The following LRRC49 variants were observed in gnomAD, a reference collection of about 807,000 sequenced individuals.
LRRC49 encodes leucine-rich repeat-containing protein 49.
Under a neutral mutation model 83.3 loss-of-function variants are expected in LRRC49, and 50 were observed. The ratio of observed to expected loss-of-function variants is 0.60; its 90% CI spans 0.48 to 0.76. LRRC49 has a LOEUF of 0.76. Among genes scored for constraint, LRRC49 ranks in the 30% least tolerant of loss-of-function variants. The pLI is 0.00. For synonymous variants in LRRC49, 286 were observed against 283.3 expected (o/e 1.01, Z -0.10); for missense variants, 704 against 809.1 (o/e 0.87, Z 1.58).
chr15:70,918,850 T>C lies in LRRC49; in HGVS notation c.568-200T>C, dbSNP rs2034896169. On this transcript the variant is annotated intron_variant, in intron 6 of 15. Transcript: ENST00000260382. The stretch of plus-strand genomic sequence containing the variant: ...TTTACTATGGTCAAATTGTAAAATA[T>C]GATCTTTTAGCTAATGTTCACAAGT... 4 of 470,264 alleles carry C rather than the reference T, an allele frequency of 8.5e-6. No individual in the cohort carries two copies. In the Admixed American group the frequency reaches 1.5e-4, roughly 18 times the overall value. The allele number at this position is 470,264 out of a possible 1,614,324, so 29.1% of individuals were successfully genotyped here.
chr15:70,991,823 C>G (rs185547079), intron 11 of LRRC49, among the ~76,000 whole-genome samples: 1 of 152,228 alleles, frequency 6.6e-6, no homozygotes, highest in East Asian at 1.9e-4. Flanking sequence ...AGGTTTTTAG[C>G]TGGAATTCTT....
intron 8 of LRRC49, among the ~76,000 whole-genome samples, chr15:70,960,471 G>A (rs1238272685): frequency 6.6e-6 from 1 of 152,146 alleles, no homozygotes; most frequent in Non-Finnish European, 1.5e-5. Flanking sequence ...AGCAAAACGT[G>A]TATCATTCAT....
intron 8 of LRRC49, among the ~76,000 whole-genome samples, chr15:70,950,055 C>T (rs887633966): frequency 2.0e-5 from 3 of 152,144 alleles, no homozygotes; most frequent in African/African-American, 7.2e-5. Context: ...TAAGTGAGAA[C>T]ATGCAATATT....
At chr15:70,867,990 T>C (rs1417152396) in intron 1 of LRRC49, among the ~76,000 whole-genome samples, 1 of 152,158 alleles carries the variant, frequency 6.6e-6, no homozygotes, top group Non-Finnish European at 1.5e-5. Flanking sequence ...TTCTGGGTAT[T>C]AGCTGTCAAG....
chr15:70,990,819 C>T (rs1414433689), intron 11 of LRRC49, among the ~76,000 whole-genome samples: 1 of 152,154 alleles, frequency 6.6e-6, no homozygotes, highest in Non-Finnish European at 1.5e-5. Context: ...GTTTTTCTGC[C>T]CTAACACCAA....
At chr15:70,943,215 T>C (rs1213420884) in intron 8 of LRRC49, among the ~76,000 whole-genome samples, 1 of 152,152 alleles carries the variant, frequency 6.6e-6, no homozygotes, top group African/African-American at 2.4e-5. Flanking sequence ...ATACTTATTA[T>C]AGAACTAGAG....
chr15:71,032,553 C>A (rs910322482), intron 14 of LRRC49, among the ~76,000 whole-genome samples: 6 of 152,034 alleles, frequency 3.9e-5, no homozygotes, highest in Non-Finnish European at 7.4e-5. Flanking sequence ...GGCAGAGGTA[C>A]AACAAAATAG....
chr15:70,933,944 C>A (rs1283665372), intron 7 of LRRC49, among the ~76,000 whole-genome samples: 1 of 152,094 alleles, frequency 6.6e-6, no homozygotes, highest in Non-Finnish European at 1.5e-5. Context: ...TCCAACAAAA[C>A]CCTAAAATCC....
intron 11 of LRRC49, among the ~76,000 whole-genome samples, chr15:70,985,889 C>G (rs1349985343): frequency 1.5e-4 from 22 of 144,290 alleles, no homozygotes; most frequent in Admixed American, 1.2e-3. Flanking sequence ...AATAGGGAAT[C>G]CTTTCCCCAT....
At chr15:70,854,600 T>C (rs2141064609) in intron 1 of LRRC49, among the ~76,000 whole-genome samples, 1 of 152,312 alleles carries the variant, frequency 6.6e-6, no homozygotes, top group East Asian at 1.9e-4. Flanking sequence ...TCAGAAAATT[T>C]CCATCGTTAG....
At chr15:70,880,983 G>A (rs146518223) in intron 2 of LRRC49, among the ~76,000 whole-genome samples, 3 of 152,292 alleles carry the variant, frequency 2.0e-5, no homozygotes, top group Admixed American at 2.0e-4. Context: ...CAGCACTCTG[G>A]GAGACCGAGG....
chr15:71,031,325 GC>G (rs2039344992), intron 14 of LRRC49, among the ~76,000 whole-genome samples: 2 of 152,326 alleles, frequency 1.3e-5, no homozygotes, highest in Admixed American at 1.3e-4. Flanking sequence ...ACCAGTGGAG[GC>G]TGCAGAACAG....
chr15:70,998,106 T>G (rs1167727674), intron 11 of LRRC49, among the ~76,000 whole-genome samples: 1 of 152,190 alleles, frequency 6.6e-6, no homozygotes, highest in Non-Finnish European at 1.5e-5. Flanking sequence ...TCTACTCCCT[T>G]TTCTGTTACT....
At chr15:70,927,384 GAT>G (rs904189518) in intron 7 of LRRC49, among the ~76,000 whole-genome samples, 2 of 151,582 alleles carry the variant, frequency 1.3e-5, no homozygotes, top group Non-Finnish European at 1.5e-5. Flanking sequence ...TCCTTTGTTT[GAT>G]ATATATATAT....
intron 5 of LRRC49, among the ~76,000 whole-genome samples, chr15:70,906,049 G>A (rs910824989): frequency 6.6e-6 from 1 of 151,608 alleles, no homozygotes; most frequent in African/African-American, 2.4e-5. Flanking sequence ...TGGCCTTAGG[G>A]GAGAAAGGTG....
At chr15:70,964,681 A>G (rs1056480161) in intron 9 of LRRC49, among the ~76,000 whole-genome samples, 1 of 152,146 alleles carries the variant, frequency 6.6e-6, no homozygotes, top group Admixed American at 6.6e-5. Context: ...TCTGTAATTA[A>G]ATAAACTTGT....
At chr15:71,003,183 C>T (rs577748887) in intron 11 of LRRC49, among the ~76,000 whole-genome samples, 1 of 152,184 alleles carries the variant, frequency 6.6e-6, no homozygotes, top group Admixed American at 6.5e-5. Flanking sequence ...GATCCACCCA[C>T]CTCGGCCTCC....
intron 7 of LRRC49, among the ~76,000 whole-genome samples, chr15:70,922,439 G>A (rs1031184765): frequency 6.6e-6 from 1 of 151,982 alleles, no homozygotes; most frequent in Non-Finnish European, 1.5e-5. Flanking sequence ...AACACATATC[G>A]CATGTTCTCA....
chr15:70,854,185 C>T (rs889369368), intron 1 of LRRC49: 18 of 903,328 alleles, frequency 2.0e-5, no homozygotes, highest in Non-Finnish European at 2.5e-5. Flanking sequence ...GCGGTGCGAG[C>T]GCGCCTGCCG....
Sources: allele counts gnomAD v4.1 joint callset (sites outside exome capture counted in the v4.1 genomes callset), GRCh38; gene constraint gnomAD v4.1.1; transcripts MANE v1.5; gene names NCBI Gene and HGNC (gene_info 2026-07-23, HGNC 2026-07-21).